ZNF618: variants seen among roughly 807,000 people sequenced by gnomAD.
ZNF618 encodes the protein zinc finger protein 618.
ZNF618 carries 34 observed loss-of-function variants against 103.0 expected under a neutral mutation model. The observed-to-expected ratio is 0.33, with a 90% confidence interval of 0.25 to 0.44. The LOEUF is 0.44. Ranked by LOEUF, ZNF618 falls within the 20% of genes least tolerant of loss-of-function variation. ZNF618 has a pLI of 1.00. For synonymous variants in ZNF618, 551 were observed against 542.2 expected (o/e 1.02, Z -0.23); for missense variants, 1,059 against 1,295.4 (o/e 0.82, Z 2.80).
At chr9:114,019,248 C>CTGTT (rs1842884877) in intron 10 of ZNF618, among the ~76,000 whole-genome samples, 1 of 152,078 alleles carries the variant, frequency 6.6e-6, no homozygotes, top group Non-Finnish European at 1.5e-5. Context: ...AGCCATTTAC[C>CTGTT]TGTTAATTTG....
chr9:113,887,240 G>T (rs935938905), intron 1 of ZNF618, among the ~76,000 whole-genome samples: 2 of 152,080 alleles, frequency 1.3e-5, no homozygotes, highest in African/African-American at 4.8e-5. Context: ...TAAGTAGGTG[G>T]TTGAAATGGA....
At position 114,049,521 on chromosome 9, in the gene ZNF618, C is replaced by A. The variant is rs375702223; in HGVS notation, c.2219C>A (p.Thr740Lys). 3 of 1,613,560 alleles carry A rather than the reference C, an allele frequency of 1.9e-6. No individual in the cohort carries two copies. Among genetic ancestry groups the A allele is most frequent in the African/African-American group, 1.3e-5 (1 of 74,952 alleles). The change falls in exon 15 of 15, where the codon ACG becomes AAG. Residue 740 changes from threonine (T) to lysine (K), a missense_variant. Thr to Lys is a moderately conservative substitution (Grantham distance 78). This residue lies in a region of ZNF618 where 272 missense variants were observed against 380.1 expected (regional missense o/e 0.72). Transcript: ENST00000374126. Reference sequence around the variant, plus strand: ...CTCAGCAACCTGGCGGCCATCCTGACGCCGGTGAAGCAGGCAGTCATCGAG... The same window carrying A: ...CTCAGCAACCTGGCGGCCATCCTGAAGCCGGTGAAGCAGGCAGTCATCGAG... ...HLLSNLAAIL[T>K]PVKQAVIELS...
chr9:113,949,273 T>A (rs1439346670), intron 1 of ZNF618, among the ~76,000 whole-genome samples: 1 of 152,218 alleles, frequency 6.6e-6, no homozygotes, highest in Non-Finnish European at 1.5e-5. Flanking sequence ...GCATTTCCAT[T>A]GCAGTCCCAC....
At chr9:113,912,062 A>G (rs1338656592) in intron 1 of ZNF618, among the ~76,000 whole-genome samples, 1 of 152,130 alleles carries the variant, frequency 6.6e-6, no homozygotes, top group African/African-American at 2.4e-5. Flanking sequence ...GAGAGTCTTC[A>G]TTTCTAATAA....
intron 1 of ZNF618, among the ~76,000 whole-genome samples, chr9:113,896,598 A>G (rs1464627707): frequency 6.6e-6 from 1 of 152,056 alleles, no homozygotes; most frequent in East Asian, 1.9e-4. Flanking sequence ...CACACATTAC[A>G]TAAGCCACTT....
intron 1 of ZNF618, among the ~76,000 whole-genome samples, chr9:113,916,554 G>A (rs1242426445): frequency 6.6e-6 from 1 of 152,200 alleles, no homozygotes; most frequent in Non-Finnish European, 1.5e-5. Context: ...GGCACTGAAG[G>A]TTTTGAAGCA....
intron 10 of ZNF618, among the ~76,000 whole-genome samples, chr9:114,024,431 A>G (rs1271931102): frequency 5.9e-5 from 9 of 152,070 alleles, no homozygotes. Flanking sequence ...GCATCCTGGG[A>G]ATGCTGTGTT....
At chr9:113,964,178 A>AG (rs2132646604) in intron 1 of ZNF618, among the ~76,000 whole-genome samples, 1 of 152,286 alleles carries the variant, frequency 6.6e-6, no homozygotes, top group Non-Finnish European at 1.5e-5. Context: ...TCACAGAGCT[A>AG]GGGGGACTGT....
chr9:114,000,587 C>G (rs1200825982), intron 4 of ZNF618, among the ~76,000 whole-genome samples: 1 of 151,916 alleles, frequency 6.6e-6, no homozygotes, highest in African/African-American at 2.4e-5. Flanking sequence ...GGTTGGACCC[C>G]CCTGAGCTAA....
At chr9:113,920,672 G>A (rs1832561540) in intron 1 of ZNF618, among the ~76,000 whole-genome samples, 1 of 152,150 alleles carries the variant, frequency 6.6e-6, no homozygotes. Flanking sequence ...AAAGTGTTGA[G>A]ATTACAGGCA....
chr9:114,001,277 C>CGGG (rs149565331), intron 4 of ZNF618, among the ~76,000 whole-genome samples: 2 of 150,756 alleles, frequency 1.3e-5, no homozygotes, highest in African/African-American at 2.4e-5. Context: ...TGGCAAGGGG[C>CGGG]TGGGGGGGCC....
At chr9:113,880,712 G>T (rs1828435960) in intron 1 of ZNF618, among the ~76,000 whole-genome samples, 1 of 152,172 alleles carries the variant, frequency 6.6e-6, no homozygotes. Context: ...ATACCACAGG[G>T]TACAGGTGAG....
Position 113,995,024 on chromosome 9 carries a change from C to T in ZNF618, c.338-3235C>T, listed in dbSNP as rs181813273. On this transcript the variant is annotated intron_variant, in intron 3 of 14. Transcript: ENST00000374126. ...CCAAACACTACCACTATTTGATATC[C>T]ACCATCATCACTTCAAAAACATATG... Among the ~76,000 whole-genome samples, 15 of 152,004 alleles carry T rather than the reference C, an allele frequency of 9.9e-5. No individual in the cohort carries two copies. The East Asian group carries it at 2.7e-3, about 27-fold the overall frequency.
chr9:113,889,006 A>G (rs1829344221), intron 1 of ZNF618, among the ~76,000 whole-genome samples: 1 of 152,180 alleles, frequency 6.6e-6, no homozygotes, highest in South Asian at 2.1e-4. Flanking sequence ...TCCTCCAATC[A>G]GCGCCAGTTC....
rs142863499 is a variant in ZNF618 at position 113,979,980 on chromosome 9, A to C, written c.78-8341A>C. Among the ~76,000 whole-genome samples, 984 of 152,160 alleles carry C rather than the reference A, an allele frequency of 6.5e-3. 8 individuals are homozygous for C. The highest frequency in any genetic ancestry group is 0.022 in the African/African-American group (933 of 41,510). ...GTGAGATGTTTACAAGACAGGAGAA[A>C]GGGGGGGTGGCTTGAACTGAAGTGG... is the stretch of plus-strand genomic sequence containing the variant. On this transcript the variant is annotated intron_variant, in intron 2 of 14. Transcript: ENST00000374126.
Position 113,966,609 on chromosome 9 carries a change from A to ACTTTGGCT in ZNF618, c.34-2505_34-2498dup, listed in dbSNP as rs946191358. ...GGAGTTGGTGTTCCCAACACAGTGG[A>ACTTTGGCT]CTTTGGCTCTGTCGTCATGGTGTAG... On this transcript the variant is annotated intron_variant, in intron 1 of 14. Transcript: ENST00000374126. 4.5e-4 allele frequency among the ~76,000 whole-genome samples: 68 copies of ACTTTGGCT among 152,250 alleles called. 1 individual carries two copies. The highest frequency in any genetic ancestry group is 1.6e-3 in the African/African-American group (68 of 41,544).
chr9:114,001,980 C>T lies in ZNF618; in HGVS notation c.434-16C>T, dbSNP rs374100430. 2.5e-6 allele frequency: 4 copies of T among 1,612,824 alleles called. No individual in the cohort carries two copies. The African/African-American group carries it at 5.3e-5, about 22-fold the overall frequency. On this transcript the variant is annotated splice_polypyrimidine_tract_variant and intron_variant, in intron 4 of 14. Transcript: ENST00000374126. ...CAGAGGTTGGGTGACCAGTCCTTTC[C>T]TCTTCTGTTTTCCAGGGTCTTACGA...
intron 1 of ZNF618, among the ~76,000 whole-genome samples, chr9:113,940,366 T>A (rs1006824093): frequency 3.9e-5 from 6 of 152,120 alleles, no homozygotes; most frequent in South Asian, 2.1e-4. Flanking sequence ...ATCAAACTGG[T>A]TAATTGTGTT....
rs143204114 is a variant in ZNF618 at position 113,964,546 on chromosome 9, A to G, written c.34-4571A>G. 3.6e-3 allele frequency among the ~76,000 whole-genome samples: 549 copies of G among 152,240 alleles called. 3 individuals are homozygous for G. The highest frequency in any genetic ancestry group is 0.013 in the African/African-American group (531 of 41,540). ...GAAATTCCTCAAGTGGCTTAAAAAAAAAAATGCCATTTTATAATTGAATTA... is the reference window on the plus strand; with the variant it reads ...GAAATTCCTCAAGTGGCTTAAAAAAGAAAATGCCATTTTATAATTGAATTA... On this transcript the variant is annotated intron_variant, in intron 1 of 14. Coordinates refer to ENST00000374126, the MANE Select transcript of ZNF618 (RefSeq NM_001318042.2).
Sources: allele counts gnomAD v4.1 joint callset (sites outside exome capture counted in the v4.1 genomes callset), GRCh38; gene constraint gnomAD v4.1.1; regional missense constraint gnomAD v4.1.1; transcripts MANE v1.5; gene names NCBI Gene and HGNC (gene_info 2026-07-23, HGNC 2026-07-21).